Variants in LRP1B observed in about 807,000 individuals in gnomAD.
LRP1B encodes the protein low-density lipoprotein receptor-related protein 1B.
LRP1B carries 217 observed loss-of-function variants against 556.6 expected under a neutral mutation model. The ratio of observed to expected loss-of-function variants is 0.39; its 90% CI spans 0.35 to 0.44. The LOEUF (loss-of-function observed/expected upper bound fraction) is 0.44, where lower values mean the gene tolerates loss of function less well. Among genes scored for constraint, LRP1B ranks in the 20% least tolerant of loss-of-function variants. The pLI is 1.00. For synonymous variants in LRP1B, 2,047 were observed against 1,865.8 expected (o/e 1.10, Z -2.50); for missense variants, 5,053 against 5,620.8 (o/e 0.90, Z 3.23).
chr2:141,504,542 T>C (rs1683850462), intron 2 of LRP1B, among the ~76,000 whole-genome samples: 1 of 152,098 alleles, frequency 6.6e-6, no homozygotes, highest in South Asian at 2.1e-4. Flanking sequence ...TATAATAAGT[T>C]TAAGTCAGTA....
intron 1 of LRP1B, among the ~76,000 whole-genome samples, chr2:142,120,111 GT>G (rs1016102301): frequency 1.2e-4 from 3 of 25,666 alleles, no homozygotes; most frequent in African/African-American, 4.8e-4. Flanking sequence ...TTTACTACAG[GT>G]TTTTTTGTTT....
chr2:141,361,011 C>T (rs1037993023), intron 3 of LRP1B, among the ~76,000 whole-genome samples: 1 of 152,086 alleles, frequency 6.6e-6, no homozygotes, highest in Non-Finnish European at 1.5e-5. Flanking sequence ...ATAAATAAAG[C>T]ATGCAATGTA....
intron 20 of LRP1B, among the ~76,000 whole-genome samples, chr2:140,943,969 A>T (rs925847777): frequency 6.6e-6 from 1 of 152,104 alleles, no homozygotes; most frequent in Non-Finnish European, 1.5e-5. Flanking sequence ...CATACAAAGG[A>T]TCAGTGAAAG....
chr2:140,916,956 G>A (rs140210902), intron 21 of LRP1B, among the ~76,000 whole-genome samples: 7 of 152,202 alleles, frequency 4.6e-5, no homozygotes, highest in South Asian at 2.1e-4. Flanking sequence ...GCATTATAAT[G>A]ACTTCCAAAT....
chr2:140,621,206 C>T (rs527241158), intron 41 of LRP1B, among the ~76,000 whole-genome samples: 35 of 151,050 alleles, frequency 2.3e-4, no homozygotes, highest in African/African-American at 7.8e-4. Context: ...ACGGTGAAAC[C>T]CCATCTCTAC....
At chr2:140,402,234 T>C (rs1684537293) in intron 66 of LRP1B, among the ~76,000 whole-genome samples, 1 of 152,204 alleles carries the variant, frequency 6.6e-6, no homozygotes, top group Non-Finnish European at 1.5e-5. Flanking sequence ...TTGGGTTCCA[T>C]ATCTTTCTGC....
chr2:140,841,624 A>G (rs1349130166), intron 29 of LRP1B, among the ~76,000 whole-genome samples: 10 of 152,208 alleles, frequency 6.6e-5, no homozygotes, highest in Admixed American at 5.9e-4. Flanking sequence ...AAAATCCACT[A>G]AAATTATTTT....
intron 21 of LRP1B, 122 bp from the exon 22 acceptor site, chr2:140,908,199 C>G: frequency 7.2e-6 from 5 of 698,084 alleles, no homozygotes; most frequent in Non-Finnish European, 9.8e-6. Context: ...AAAACAAAAT[C>G]TATTTGCTTA....
Position 141,921,223 on chromosome 2 carries a change from T to C in LRP1B, c.83-110822A>G, listed in dbSNP as rs147180418. Reference sequence around the variant, plus strand: ...AGAAACTGCATTTTAACGGCATGCTTTATGTACATGAATATTTTGAGTAAT... The same window carrying C: ...AGAAACTGCATTTTAACGGCATGCTCTATGTACATGAATATTTTGAGTAAT... On this transcript the variant is annotated intron_variant, in intron 1 of 90. Transcript: ENST00000389484. Among the ~76,000 whole-genome samples the C allele has an allele frequency of 7.5e-4, 114 of 152,140 alleles. 2 individuals are homozygous for C. The East Asian group carries it at 0.02, about 27-fold the overall frequency.
chr2:141,152,301 C>A lies in LRP1B; in HGVS notation c.1013+36120G>T, dbSNP rs72853328. ...TTGTAAAACACTTTGCACAGCATTTCGGGACAATAACTAGGTTTCCAAAAT... is the reference window on the plus strand; with the variant it reads ...TTGTAAAACACTTTGCACAGCATTTAGGGACAATAACTAGGTTTCCAAAAT... On this transcript the variant is annotated intron_variant, in intron 7 of 90. Coordinates refer to ENST00000389484, the MANE Select transcript of LRP1B (RefSeq NM_018557.3). Among the ~76,000 whole-genome samples the A allele has an allele frequency of 2.6e-3, 399 of 151,924 alleles. 3 individuals are homozygous for A. The highest frequency in any genetic ancestry group is 9.1e-3 in the African/African-American group (377 of 41,488).
chr2:141,265,374 C>T (rs1026512223), intron 3 of LRP1B, among the ~76,000 whole-genome samples: 6 of 152,112 alleles, frequency 3.9e-5, no homozygotes, highest in African/African-American at 7.2e-5. Context: ...GACTGCAGCG[C>T]GACCCCCTTC....
Position 140,984,391 on chromosome 2 carries a change from C to T in LRP1B, c.2771-2115G>A, listed in dbSNP as rs553678355. 2.3e-3 allele frequency among the ~76,000 whole-genome samples: 352 copies of T among 151,748 alleles called. 1 individual carries two copies. Among genetic ancestry groups the T allele is most frequent in the African/African-American group, 8.2e-3 (340 of 41,400 alleles). ...TCCTTCAGTCTTTTCTATATTCTTGCTTTATATAAATAGACATTATCACAT... is the reference window on the plus strand; with the variant it reads ...TCCTTCAGTCTTTTCTATATTCTTGTTTTATATAAATAGACATTATCACAT... On this transcript the variant is annotated intron_variant, in intron 17 of 90. Coordinates refer to ENST00000389484, the MANE Select transcript of LRP1B (RefSeq NM_018557.3).
At chr2:141,876,522 T>C (rs902422018) in intron 1 of LRP1B, among the ~76,000 whole-genome samples, 2 of 151,980 alleles carry the variant, frequency 1.3e-5, no homozygotes, top group Non-Finnish European at 2.9e-5. Context: ...AGATATATTA[T>C]AGATTATGTA....
At chr2:140,864,258 T>C (rs953410797) in intron 27 of LRP1B, among the ~76,000 whole-genome samples, 2 of 152,074 alleles carry the variant, frequency 1.3e-5, no homozygotes, top group African/African-American at 4.8e-5. Context: ...ACACTGTTCC[T>C]TAAATATTTT....
At chr2:141,177,673 A>T (rs1006232977) in intron 7 of LRP1B, among the ~76,000 whole-genome samples, 1 of 152,158 alleles carries the variant, frequency 6.6e-6, no homozygotes, top group Non-Finnish European at 1.5e-5. Context: ...AAAGCAAAAA[A>T]TGAAAGTGAA....
intron 35 of LRP1B, among the ~76,000 whole-genome samples, chr2:140,756,311 T>A (rs1027342569): frequency 6.6e-6 from 1 of 152,040 alleles, no homozygotes; most frequent in Non-Finnish European, 1.5e-5. Context: ...GCTAGTTTAT[T>A]TGCCAAAATT....
chr2:140,390,396 G>C (rs1037149378), intron 66 of LRP1B, among the ~76,000 whole-genome samples: 1 of 152,006 alleles, frequency 6.6e-6, no homozygotes, highest in Non-Finnish European at 1.5e-5. Flanking sequence ...GCTAAAACAA[G>C]TGGTTACCTC....
In LRP1B at chr2:141,373,248, A is replaced by T. The variant is rs576630986; in HGVS notation, c.343+107148T>A. On this transcript the variant is annotated intron_variant, in intron 3 of 90. Transcript: ENST00000389484. ...TTTCAATTTTTACAAATTTTTAAAA[A>T]TTTTTTGTGGCCTAAACTCTAGTCT... Among the ~76,000 whole-genome samples the T allele has an allele frequency of 2.6e-5, 4 of 152,146 alleles. No homozygotes were observed. In the East Asian group the frequency reaches 7.7e-4, roughly 29 times the overall value.
At chr2:141,873,916 G>C (rs945859040) in intron 1 of LRP1B, among the ~76,000 whole-genome samples, 4 of 151,572 alleles carry the variant, frequency 2.6e-5, no homozygotes, top group Non-Finnish European at 5.9e-5. Flanking sequence ...TTCACGACTA[G>C]AACACTCTCT....
Sources: allele counts gnomAD v4.1 joint callset (sites outside exome capture counted in the v4.1 genomes callset), GRCh38; gene constraint gnomAD v4.1.1; transcripts MANE v1.5; gene names NCBI Gene and HGNC (gene_info 2026-07-23, HGNC 2026-07-21).